RFX8: variants seen among roughly 807,000 people sequenced by gnomAD.
The protein encoded by RFX8 is DNA-binding protein RFX8.
A neutral mutation model predicts 54.6 loss-of-function variants in RFX8; 46 were observed. The ratio of observed to expected loss-of-function variants is 0.84; its 90% CI spans 0.67 to 1.08. The LOEUF (loss-of-function observed/expected upper bound fraction) is 1.08. Ranked by LOEUF, RFX8 falls within the 50% of genes least tolerant of loss-of-function variation. RFX8 has a pLI of 0.00. For missense variants in RFX8, 536 were observed against 562.3 expected (o/e 0.95, Z 0.47); for synonymous variants, 192 against 209.5 (o/e 0.92, Z 0.72).
In RFX8 at chr2:101,406,060, G is replaced by C. The variant is rs1478765447; in HGVS notation, c.814-3C>G. 10 of 1,524,558 alleles carry C rather than the reference G, an allele frequency of 6.6e-6. No individual in the cohort carries two copies. Among genetic ancestry groups the C allele is most frequent in the South Asian group, 2.5e-5 (2 of 79,670 alleles). 94.4% of individuals were successfully genotyped at this position (1,524,558 alleles called of 1,614,324 possible). A position where few individuals can be genotyped will look rare whatever the true frequency, so the allele number is the denominator to read the frequency against. ...AACTCTTCTTTGCTTCTGCTTGTCT[G>C]TTAAGTTTTTGTGAGAAAAAAGGCT... On this transcript the variant is annotated splice_polypyrimidine_tract_variant and splice_region_variant and intron_variant, in intron 9 of 11. Transcript: ENST00000428343.
intron 2 of RFX8, among the ~76,000 whole-genome samples, chr2:101,436,326 GCT>G (rs1687781137): frequency 1.3e-5 from 2 of 152,140 alleles, no homozygotes; most frequent in South Asian, 4.1e-4. Context: ...CTACGACAAT[GCT>G]CTTATTGGTG....
rs115435463 is a variant in RFX8, at chr2:101,412,006, A to G, written c.718+909T>C. Among the ~76,000 whole-genome samples the G allele has an allele frequency of 3.8e-3, 584 of 152,272 alleles. 6 individuals are homozygous for G. The highest frequency in any genetic ancestry group is 0.013 in the African/African-American group (557 of 41,538). On this transcript the variant is annotated intron_variant, in intron 8 of 11. Transcript: ENST00000428343. ...CTGGGTGGCCCAGGGTGAATAAGACACAGTTGATAGCCTGAAGGGGTTCAT... is the reference window on the plus strand; with the variant it reads ...CTGGGTGGCCCAGGGTGAATAAGACGCAGTTGATAGCCTGAAGGGGTTCAT...
At chr2:101,435,946 C>T (rs937279308) in intron 2 of RFX8, among the ~76,000 whole-genome samples, 3 of 152,186 alleles carry the variant, frequency 2.0e-5, no homozygotes, top group Non-Finnish European at 4.4e-5. Context: ...AATTCCCATC[C>T]CACCCCAGTG....
intron 11 of RFX8, among the ~76,000 whole-genome samples, chr2:101,400,845 C>G (rs1235266587): frequency 6.6e-6 from 1 of 152,144 alleles, no homozygotes; most frequent in Non-Finnish European, 1.5e-5. Context: ...CACTGGTGGC[C>G]CTTGGAGGGC....
chr2:101,446,112 TA>T (rs35370799), intron 2 of RFX8, among the ~76,000 whole-genome samples: 109,171 of 151,904 alleles, frequency 0.72, 40,588 homozygotes, highest in Middle Eastern at 0.88. Flanking sequence ...CTTAATGCTT[TA>T]AAAAAAAAAT....
chr2:101,412,911 TTAC>T lies in RFX8; in HGVS notation c.718+1_718+3del. ...AATAAAGCAAGCTGCAGAAGGAAGA[TTAC>T]ATTTCATCTCTGGGTTGTTCTCCAG... On this transcript the variant is annotated splice_donor_variant and splice_donor_region_variant and intron_variant, in intron 8 of 11. Transcript: ENST00000428343. LOFTEE classifies it high-confidence loss of function. 6.5e-7 allele frequency: 1 copy of T among 1,547,204 alleles called. No homozygotes were observed. Among genetic ancestry groups the T allele is most frequent in the South Asian group, 1.2e-5 (1 of 83,386 alleles).
chr2:101,463,470 G>C (rs1010614182), intron 2 of RFX8, among the ~76,000 whole-genome samples: 3 of 152,178 alleles, frequency 2.0e-5, no homozygotes, highest in African/African-American at 7.2e-5. Context: ...TCCACCCTCT[G>C]TGCAGGCTGA....
chr2:101,432,765 G>C (rs776010418), intron 2 of RFX8, among the ~76,000 whole-genome samples: 4 of 152,244 alleles, frequency 2.6e-5, no homozygotes, highest in Non-Finnish European at 5.9e-5. Flanking sequence ...TGGCCTTGTT[G>C]TGAAGGAAGG....
intron 6 of RFX8, among the ~76,000 whole-genome samples, chr2:101,415,568 G>A (rs1445503694): frequency 6.6e-6 from 1 of 152,190 alleles, no homozygotes; most frequent in Non-Finnish European, 1.5e-5. Flanking sequence ...ATAATCAAAG[G>A]AAAGGAAAGG....
chr2:101,421,926 T>C (rs1408666630), intron 3 of RFX8, 149 bp from the exon 4 acceptor site: 5 of 615,122 alleles, frequency 8.1e-6, no homozygotes, highest in African/African-American at 7.5e-5. Context: ...CACAGCATTT[T>C]TTTTGTTTCT....
intron 2 of RFX8, among the ~76,000 whole-genome samples, chr2:101,453,246 C>A (rs1431619562): frequency 6.7e-6 from 1 of 149,410 alleles, no homozygotes; most frequent in African/African-American, 2.5e-5. Flanking sequence ...CACTGCACTC[C>A]AGCCTGGGTG....
intron 1 of RFX8, among the ~76,000 whole-genome samples, chr2:101,469,563 G>A (rs147480829): frequency 1.0e-3 from 158 of 152,216 alleles, no homozygotes; most frequent in African/African-American, 3.7e-3. Flanking sequence ...AATGTGATGT[G>A]CATTCAATTC....
At chr2:101,458,341 A>G (rs927677329) in intron 2 of RFX8, among the ~76,000 whole-genome samples, 5 of 152,150 alleles carry the variant, frequency 3.3e-5, no homozygotes, top group Non-Finnish European at 7.3e-5. Flanking sequence ...TTTTGCAGTG[A>G]CTGGTATCGG....
Position 101,397,571 on chromosome 2 carries a change from T to C in RFX8, c.1399A>G (p.Arg467Gly), listed in dbSNP as rs1372732263. Reference sequence around the variant, plus strand: ...TCTCACACATTAGCATTGTTTTCTCTGAAATAAATATCTTCAGAGCTTTGG... The same window carrying C: ...TCTCACACATTAGCATTGTTTTCTCCGAAATAAATATCTTCAGAGCTTTGG... ...VPQSSEDIYF[R>G]ENNANV Residue 467 changes from arginine to glycine, a missense_variant, in exon 12 of 12, where the codon AGA becomes GGA. Physicochemically the swap from Arg to Gly is moderately radical, Grantham distance 125. Coordinates refer to ENST00000428343, the MANE Select transcript of RFX8 (RefSeq NM_001145664.2). 2 of 1,546,926 alleles carry C rather than the reference T, an allele frequency of 1.3e-6. No homozygotes were observed. The highest frequency in any genetic ancestry group is 2.4e-5 in the East Asian group (1 of 40,822).
intron 2 of RFX8, among the ~76,000 whole-genome samples, chr2:101,459,303 C>T (rs1313660757): frequency 8.5e-5 from 13 of 152,148 alleles, no homozygotes; most frequent in South Asian, 4.1e-4. Flanking sequence ...CTCTGGTTTT[C>T]GGAATTTTCA....
intron 6 of RFX8, among the ~76,000 whole-genome samples, chr2:101,416,196 A>AG (rs983366396): frequency 4.3e-5 from 6 of 138,078 alleles, no homozygotes; most frequent in African/African-American, 1.6e-4. Flanking sequence ...GTGGCTGGGG[A>AG]GGGGGGTGGA....
intron 2 of RFX8, among the ~76,000 whole-genome samples, chr2:101,434,286 A>G (rs1687650133): frequency 1.3e-5 from 2 of 152,204 alleles, no homozygotes; most frequent in South Asian, 4.1e-4. Context: ...TGAAACTGAA[A>G]ATTAACAAGA....
intron 2 of RFX8, among the ~76,000 whole-genome samples, chr2:101,460,383 G>A (rs1224532525): frequency 6.6e-6 from 1 of 152,132 alleles, no homozygotes; most frequent in African/African-American, 2.4e-5. Flanking sequence ...TTGGAAGCCA[G>A]ACCCCATTTT....
chr2:101,412,865 C>A, intron 8 of RFX8, 50 bp downstream of exon 8: 1 of 1,516,702 alleles, frequency 6.6e-7, no homozygotes, highest in South Asian at 1.2e-5. Context: ...ATGCTAGCCC[C>A]AAATCTATGC....
Sources: gnomAD v4.1 joint callset for allele counts (sites outside exome capture counted in the v4.1 genomes callset) on GRCh38, gnomAD v4.1.1 for gene constraint, MANE v1.5 for transcripts, NCBI Gene and HGNC (gene_info 2026-07-23, HGNC 2026-07-21) for gene names.